Variants in WDR7 observed in about 807,000 individuals in gnomAD.
WDR7 encodes the protein WD repeat-containing protein 7.
A neutral mutation model predicts 169.4 loss-of-function variants in WDR7; 46 were observed. That is an observed-to-expected ratio of 0.27 (90% CI 0.21 to 0.35). WDR7 has a LOEUF of 0.35. Ranked by LOEUF, WDR7 falls within the 10% of genes least tolerant of loss-of-function variation. The pLI is 1.00. For missense variants in WDR7, 1,534 were observed against 1,859.3 expected (o/e 0.83, Z 3.22); for synonymous variants, 612 against 666.8 (o/e 0.92, Z 1.27).
intron 26 of WDR7, among the ~76,000 whole-genome samples, chr18:56,968,129 T>C (rs2047437329): frequency 6.6e-6 from 1 of 151,200 alleles, no homozygotes; most frequent in Non-Finnish European, 1.5e-5. Context: ...AAAAAAGCAA[T>C]GATGTATAGA....
chr18:56,979,557 G>A (rs1291207733), intron 26 of WDR7, among the ~76,000 whole-genome samples: 2 of 152,144 alleles, frequency 1.3e-5, no homozygotes, highest in Non-Finnish European at 2.9e-5. Context: ...GCTTTGCTCC[G>A]AACAGGGACA....
intron 19 of WDR7, among the ~76,000 whole-genome samples, chr18:56,798,246 T>A (rs916762974): frequency 1.3e-5 from 2 of 152,166 alleles, no homozygotes; most frequent in Admixed American, 1.3e-4. Flanking sequence ...ATAATAGTGG[T>A]TATGGGGTGG....
chr18:56,663,305 C>A (rs531583092), intron 1 of WDR7, among the ~76,000 whole-genome samples: 6 of 150,258 alleles, frequency 4.0e-5, no homozygotes, highest in African/African-American at 1.2e-4. Flanking sequence ...GTGCATAAAA[C>A]TTGAGTATTT....
rs988057367 is a variant in WDR7 at position 56,958,339 on chromosome 18, A to G, written c.4065-4091A>G. Among the ~76,000 whole-genome samples, 6 of 152,310 alleles carry G rather than the reference A, an allele frequency of 3.9e-5. No individual in the cohort carries two copies. The South Asian group carries it at 8.3e-4, about 21-fold the overall frequency. On this transcript the variant is annotated intron_variant, in intron 25 of 27. Coordinates refer to ENST00000254442, the MANE Select transcript of WDR7 (RefSeq NM_015285.3). ...TAACGTGTTCTAGTAATAGTTAACA[A>G]TGATTGATAAATGATTATCTTTTAA...
intron 19 of WDR7, among the ~76,000 whole-genome samples, chr18:56,800,069 T>C (rs1296652340): frequency 6.6e-6 from 1 of 152,142 alleles, no homozygotes; most frequent in Non-Finnish European, 1.5e-5. Flanking sequence ...AAAATGAAAG[T>C]TTATATTCTC....
chr18:56,885,690 G>C (rs1254839647), intron 21 of WDR7, among the ~76,000 whole-genome samples: 7 of 151,740 alleles, frequency 4.6e-5, no homozygotes, highest in Non-Finnish European at 7.4e-5. Context: ...AGCCAGGCAT[G>C]GTGACGGGCA....
At chr18:56,763,393 CT>C (rs1248022882) in intron 16 of WDR7, among the ~76,000 whole-genome samples, 1 of 151,926 alleles carries the variant, frequency 6.6e-6, no homozygotes, top group Non-Finnish European at 1.5e-5. Flanking sequence ...CTTTTATTTT[CT>C]TAATAAGACA....
chr18:56,813,112 A>G (rs2044901636), intron 19 of WDR7, among the ~76,000 whole-genome samples: 1 of 151,558 alleles, frequency 6.6e-6, no homozygotes, highest in Non-Finnish European at 1.5e-5. Flanking sequence ...GCGCACCAGC[A>G]TGGCACATGT....
At chr18:56,676,370 G>A (rs2025244315) in intron 2 of WDR7, among the ~76,000 whole-genome samples, 1 of 152,188 alleles carries the variant, frequency 6.6e-6, no homozygotes, top group Non-Finnish European at 1.5e-5. Flanking sequence ...TACATTCAGT[G>A]TTATTATTGA....
chr18:56,672,586 C>A lies in WDR7; in HGVS notation c.71C>A (p.Ala24Asp). 1 of 1,613,110 alleles carries A rather than the reference C, an allele frequency of 6.2e-7. No individual in the cohort carries two copies. Residue 24 changes from alanine (A) to aspartate (D), a missense_variant, in exon 2 of 28, where the codon GCC (alanine) becomes GAC (aspartate). Coordinates refer to ENST00000254442, the MANE Select transcript of WDR7 (RefSeq NM_015285.3). ...AAAGCGCCCACACATTGCATCTCAG[C>A]CGTACTTTTAACAGATGATGGGGCC... Reference protein sequence around the residue: ...GRKAPTHCISAVLLTDDGATI... With the variant: ...GRKAPTHCISDVLLTDDGATI...
At chr18:56,867,243 C>T (rs1170826933) in intron 20 of WDR7, among the ~76,000 whole-genome samples, 1 of 151,840 alleles carries the variant, frequency 6.6e-6, no homozygotes, top group African/African-American at 2.4e-5. Context: ...CACCATGTTG[C>T]CTAGGCTGGT....
intron 8 of WDR7, 30 bp downstream of exon 8, chr18:56,691,391 C>A: frequency 1.3e-6 from 2 of 1,545,142 alleles, no homozygotes; most frequent in South Asian, 2.5e-5. Context: ...TTAGGACAGT[C>A]ATCAAAAGTA....
intron 3 of WDR7, among the ~76,000 whole-genome samples, chr18:56,679,724 A>T (rs1045944846): frequency 6.6e-6 from 1 of 152,184 alleles, no homozygotes; most frequent in African/African-American, 2.4e-5. Flanking sequence ...ATTCATCTCC[A>T]TGTTGTTTTT....
At position 56,684,675 on chromosome 18, in the gene WDR7, T is replaced by C. The variant is rs564936624; in HGVS notation, c.521-1281T>C. Among the ~76,000 whole-genome samples the C allele has an allele frequency of 2.0e-5, 3 of 152,314 alleles. No homozygotes were observed. In the East Asian group the frequency reaches 5.8e-4, roughly 29 times the overall value. ...TGGACTGTCGGAATAGTGGATGCAC[T>C]GGCTTCATTTCCTGCCGCTGTTCTT... On this transcript the variant is annotated intron_variant, in intron 5 of 27. Coordinates refer to ENST00000254442, the MANE Select transcript of WDR7 (RefSeq NM_015285.3).
chr18:56,900,064 ATG>A (rs3045243), intron 21 of WDR7, among the ~76,000 whole-genome samples: 521 of 137,854 alleles, frequency 3.8e-3, no homozygotes, highest in Non-Finnish European at 4.3e-3. Flanking sequence ...ACATATATAT[ATG>A]TGTGTGTGTG....
chr18:56,943,338 GTATTC>G (rs961507557), intron 25 of WDR7, among the ~76,000 whole-genome samples: 2 of 151,222 alleles, frequency 1.3e-5, no homozygotes, highest in Non-Finnish European at 2.9e-5. Context: ...ATATAGTTTT[GTATTC>G]TTTTTTTTTT....
intron 21 of WDR7, among the ~76,000 whole-genome samples, chr18:56,882,036 C>G (rs954729610): frequency 2.6e-5 from 4 of 152,214 alleles, no homozygotes; most frequent in African/African-American, 9.6e-5. Context: ...GAACCGTTTC[C>G]CTTCTCCACC....
intron 16 of WDR7, among the ~76,000 whole-genome samples, chr18:56,769,506 G>A (rs1271079075): frequency 6.6e-6 from 1 of 151,998 alleles, no homozygotes; most frequent in Non-Finnish European, 1.5e-5. Flanking sequence ...ACTGTTCTAC[G>A]TTCTAATGTA....
intron 20 of WDR7, among the ~76,000 whole-genome samples, chr18:56,862,644 G>A (rs975355425): frequency 4.6e-5 from 7 of 151,708 alleles, no homozygotes; most frequent in Admixed American, 3.3e-4. Context: ...TAACAATAGT[G>A]AAAATTTTTT....
Sources: gnomAD v4.1 joint callset for allele counts (sites outside exome capture counted in the v4.1 genomes callset) on GRCh38, gnomAD v4.1.1 for gene constraint, MANE v1.5 for transcripts, NCBI Gene and HGNC (gene_info 2026-07-23, HGNC 2026-07-21) for gene names.